MCM3AP: variants seen among roughly 807,000 people sequenced by gnomAD.
MCM3AP encodes the protein minichromosome maintenance complex component 3 associated protein.
MCM3AP carries 126 observed loss-of-function variants against 184.1 expected under a neutral mutation model. That is an observed-to-expected ratio of 0.68 (90% confidence interval 0.59 to 0.79). MCM3AP has a LOEUF of 0.79. Among genes scored for constraint, MCM3AP ranks in the 30% least tolerant of loss-of-function variants. The pLI, the probability that MCM3AP is intolerant of heterozygous loss-of-function variation, is 0.00. For synonymous variants in MCM3AP, 1,002 were observed against 979.3 expected (o/e 1.02, Z -0.43); for missense variants, 2,496 against 2,479.2 (o/e 1.01, Z -0.14).
At chr21:46,265,731 A>G (rs17182836) in intron 11 of MCM3AP, among the ~76,000 whole-genome samples, 194 bp downstream of exon 11, 121 of 152,276 alleles carry the variant, frequency 7.9e-4, no homozygotes, top group African/African-American at 2.8e-3. Flanking sequence ...GGAGGGCTTC[A>G]AAGCCCTCAG....
rs774261836 is a variant in MCM3AP, at chr21:46,245,076, T to G, written c.4769A>C (p.His1590Pro). 18 of 1,614,036 alleles carry G rather than the reference T, an allele frequency of 1.1e-5. No individual in the cohort carries two copies. Among genetic ancestry groups the G allele is most frequent in the Admixed American group, 1.7e-5 (1 of 60,004 alleles). Residue 1590 changes from histidine to proline, a missense_variant, in exon 23 of 28, where the codon CAT becomes CCT. His to Pro is a moderately conservative substitution (Grantham distance 77, BLOSUM62 -2). Transcript: ENST00000291688. ...GCCCAGACGCCTCTCTCTTCTGTCA[T>G]GGAAAAAGCGGCCACTAAACTCATG... ...IGHEFSGRFF[H>P]DRRERRLGGL...
At chr21:46,283,220 C>T (rs768588220) in intron 2 of MCM3AP, among the ~76,000 whole-genome samples, 5 of 152,182 alleles carry the variant, frequency 3.3e-5, no homozygotes, top group South Asian at 2.1e-4. Flanking sequence ...CCACCACGCC[C>T]GGCCAATTTC....
chr21:46,259,455 CAAAAAAA>C (rs959198211), intron 15 of MCM3AP: 1 of 68,434 alleles, frequency 1.5e-5, no homozygotes, highest in Admixed American at 1.7e-4. Flanking sequence ...GACTCCGTCT[CAAAAAAA>C]AAAAAAAAAG....
At chr21:46,269,104 T>C (rs2081148462) in intron 9 of MCM3AP, among the ~76,000 whole-genome samples, 1 of 152,194 alleles carries the variant, frequency 6.6e-6, no homozygotes, top group Admixed American at 6.5e-5. Context: ...TCATCGTGTA[T>C]ACAACATTAA....
intron 19 of MCM3AP, 99 bp downstream of exon 19, chr21:46,254,293 G>A (rs1470796130): frequency 2.3e-6 from 3 of 1,297,558 alleles, no homozygotes; most frequent in Non-Finnish European, 2.2e-6. Context: ...ACACTTCCGA[G>A]TTCCCATCAC....
chr21:46,235,447 C>T (rs1198153898), intron 27 of MCM3AP, 21 bp from the exon 28 acceptor site: 1 of 1,612,256 alleles, frequency 6.2e-7, no homozygotes, highest in African/African-American at 1.3e-5. Context: ...AAAAAAGAAA[C>T]TGAACAGTTT....
intron 4 of MCM3AP, among the ~76,000 whole-genome samples, chr21:46,279,792 A>G (rs1348122346): frequency 1.3e-5 from 2 of 152,140 alleles, no homozygotes; most frequent in African/African-American, 4.8e-5. Context: ...TGGGACCACC[A>G]GCCCCACACA....
chr21:46,285,633 T>C (rs1304874697), upstream of MCM3AP: 1 of 200,210 alleles, frequency 5.0e-6, no homozygotes, highest in East Asian at 1.2e-4. Flanking sequence ...AAGCCGAATC[T>C]TTTTACTGAG....
intron 16 of MCM3AP, among the ~76,000 whole-genome samples, chr21:46,258,737 A>ATGTGTGTGTGTGTGTGTGTGTG (rs55695472): frequency 2.7e-4 from 41 of 150,198 alleles, no homozygotes; most frequent in African/African-American, 7.8e-4. Context: ...CTTATATTGT[A>ATGTGTGTGTGTGTGTGTGTGTG]TGTGTGTGTG....
Position 46,285,270 on chromosome 21 carries a change from G to C in MCM3AP, c.17C>G (p.Pro6Arg). 4 of 1,612,286 alleles carry C rather than the reference G, an allele frequency of 2.5e-6. No individual in the cohort carries two copies. In the South Asian group the frequency reaches 4.4e-5, roughly 18 times the overall value. MNPTN[P>R]FSGQQPSAFS... is the part of the protein sequence containing the mutation. The stretch of plus-strand genomic sequence containing the variant: ...AGCACTAGGCTGCTGCCCACTGAAA[G>C]GATTAGTTGGGTTCATCTTCTGCTC... Residue 6 changes from proline (P) to arginine (R), a missense_variant, in exon 1 of 28, where the codon CCT becomes CGT. This residue lies in a region of MCM3AP where 800 missense variants were observed against 717.1 expected (regional missense o/e 1.12). Coordinates refer to ENST00000291688, the MANE Select transcript of MCM3AP (RefSeq NM_003906.5).
intron 20 of MCM3AP, chr21:46,249,494 A>T: frequency 2.4e-6 from 1 of 423,558 alleles, no homozygotes; most frequent in South Asian, 1.7e-5. Context: ...CGGCCAGGAA[A>T]ATAATTTTCT....
intron 25 of MCM3AP, 46 bp downstream of exon 25, chr21:46,242,756 A>C: frequency 1.3e-6 from 2 of 1,565,138 alleles, no homozygotes; most frequent in South Asian, 2.4e-5. Flanking sequence ...TTGCAAGAAA[A>C]ATACAGTTTA....
chr21:46,266,439 C>A, intron 10 of MCM3AP: 1 of 339,130 alleles, frequency 2.9e-6, no homozygotes, highest in Non-Finnish European at 5.4e-6. Context: ...GAGGACAGAA[C>A]TGGAAGGAGG....
intron 1 of MCM3AP, 43 bp downstream of exon 1, chr21:46,284,025 T>A (rs749274215): frequency 6.3e-7 from 1 of 1,575,244 alleles, no homozygotes; most frequent in Admixed American, 1.9e-5. Flanking sequence ...ATTGAAAACC[T>A]GCCTGCAGGA....
intron 20 of MCM3AP, 87 bp downstream of exon 20, chr21:46,251,442 A>G: frequency 1.8e-6 from 2 of 1,088,012 alleles, no homozygotes; most frequent in Non-Finnish European, 2.7e-6. Context: ...TTAGGGAATA[A>G]GCAGTATTTG....
chr21:46,272,651 T>C lies in MCM3AP; in HGVS notation c.2375A>G (p.Asp792Gly), dbSNP rs745708483. ...CLQSLKEMYQDLRNKGVFCAS... is the reference protein window; with the variant it reads ...CLQSLKEMYQGLRNKGVFCAS... ...ACAGAAGACACCCTTGTTTCTCAGG[T>C]CCTGGTACATCTCCTTCAGGCTCTG... is the stretch of plus-strand genomic sequence containing the variant. Residue 792 changes from aspartate to glycine, a missense_variant, in exon 8 of 28, where the codon GAC becomes GGC. Asp to Gly is a moderately conservative substitution (Grantham distance 94). Around this residue, in one of 5 missense-constraint regions of MCM3AP, gnomAD observed 105 missense variants for 97.1 expected, o/e 1.08. Transcript: ENST00000291688. The C allele has an allele frequency of 6.2e-7, 1 of 1,614,220 alleles. No individual in the cohort carries two copies. The highest frequency in any genetic ancestry group is 1.1e-5 in the South Asian group (1 of 91,090).
intron 23 of MCM3AP, among the ~76,000 whole-genome samples, chr21:46,244,256 C>T (rs572606944): frequency 6.6e-6 from 1 of 152,380 alleles, no homozygotes; most frequent in South Asian, 2.1e-4. Flanking sequence ...GAAGGAGCAG[C>T]CCCATGCCAT....
At chr21:46,256,323 T>G (rs898623666) in intron 17 of MCM3AP, among the ~76,000 whole-genome samples, 1 of 151,118 alleles carries the variant, frequency 6.6e-6, no homozygotes, top group Non-Finnish European at 1.5e-5. Context: ...AAGAGGGAAA[T>G]AATGGAGGGT....
intron 13 of MCM3AP, 50 bp downstream of exon 13, chr21:46,264,067 T>C: frequency 1.5e-6 from 2 of 1,329,810 alleles, no homozygotes; most frequent in Non-Finnish European, 2.2e-6. Context: ...GAGGACTGGG[T>C]GCAGCTCCCC....
Sources: gnomAD v4.1 joint callset for allele counts (sites outside exome capture counted in the v4.1 genomes callset) on GRCh38, gnomAD v4.1.1 for gene constraint, gnomAD v4.1.1 regional missense constraint, MANE v1.5 for transcripts, NCBI Gene and HGNC (gene_info 2026-07-23, HGNC 2026-07-21) for gene names.